Variants in CCDC3 observed in about 807,000 individuals in gnomAD.
The protein encoded by CCDC3 is coiled-coil domain-containing protein 3.
Under a neutral mutation model 21.4 loss-of-function variants are expected in CCDC3, and 24 were observed. The ratio of observed to expected loss-of-function variants is 1.12; its 90% CI spans 0.81 to 1.58. The LOEUF (loss-of-function observed/expected upper bound fraction) is 1.58. CCDC3 is among the 40% of genes most tolerant of loss of function. CCDC3 has a pLI of 0.00. For missense variants in CCDC3, 425 were observed against 360.9 expected (o/e 1.18, Z -1.44); for synonymous variants, 186 against 166.0 (o/e 1.12, Z -0.93).
At chr10:13,043,361 G>A (rs2131419875) in intron 5 of CCDC3, among the ~76,000 whole-genome samples, 1 of 152,288 alleles carries the variant, frequency 6.6e-6, no homozygotes, top group Admixed American at 6.5e-5. Context: ...GGGAGGCTGA[G>A]GTAGGTGGGT....
At position 12,950,361 on chromosome 10, in the gene CCDC3, G is replaced by A. The variant is rs80107802; in HGVS notation, c.549+47977C>T. Among the ~76,000 whole-genome samples, 461 of 152,310 alleles carry A rather than the reference G, an allele frequency of 3.0e-3. 14 individuals are homozygous for A. The East Asian group carries it at 0.057, about 19-fold the overall frequency. ...CACCCTCCGGAAAGCAGTTTTAAGA[G>A]AAAGAGATTCAACCTAAATGGTCAG... On this transcript the variant is annotated intron_variant, in intron 2 of 2. Transcript: ENST00000378825.
intron 2 of CCDC3, chr10:12,924,921 A>G (rs1438553903): frequency 6.6e-6 from 1 of 152,260 alleles, no homozygotes; most frequent in Admixed American, 6.5e-5. Flanking sequence ...GCGAGTAGTT[A>G]GAGAATTTCT....
At chr10:12,901,800 T>C (rs1834096970) in intron 2 of CCDC3, among the ~76,000 whole-genome samples, 1 of 152,218 alleles carries the variant, frequency 6.6e-6, no homozygotes, top group African/African-American at 2.4e-5. Flanking sequence ...TCTCCAGTCT[T>C]AGTGTTCTTC....
chr10:13,047,033 A>T (rs548057351), intron 5 of CCDC3, among the ~76,000 whole-genome samples: 4 of 152,172 alleles, frequency 2.6e-5, no homozygotes, highest in Admixed American at 2.0e-4. Flanking sequence ...CACCCTAGTA[A>T]GATGAGAGAG....
intron 2 of CCDC3, among the ~76,000 whole-genome samples, chr10:12,938,981 T>TAACTCTAGCTCCA (rs1834779790): frequency 6.6e-6 from 1 of 152,206 alleles, no homozygotes; most frequent in African/African-American, 2.4e-5. Flanking sequence ...ACCCCAGATC[T>TAACTCTAGCTCCA]AACTCTAGCT....
In CCDC3 at chr10:12,910,893, C is replaced by T. The variant is rs992575926; in HGVS notation, c.550-12214G>A. Among the ~76,000 whole-genome samples the T allele has an allele frequency of 1.2e-4, 19 of 152,266 alleles. 2 individuals carry two copies. Among genetic ancestry groups the T allele is most frequent in the Admixed American group, 1.0e-3 (16 of 15,290 alleles). On this transcript the variant is annotated intron_variant, in intron 2 of 2. Transcript: ENST00000378825. ...TATGGGTGTGAGCCACAGAGCCCGG[C>T]CAAGGGCAAAATTTATATGTGGAAG... is the stretch of plus-strand genomic sequence containing the variant.
chr10:13,044,687 C>T (rs546542704), intron 5 of CCDC3, among the ~76,000 whole-genome samples: 2 of 152,162 alleles, frequency 1.3e-5, no homozygotes, highest in South Asian at 2.1e-4. Context: ...GTTCTCTATT[C>T]GGTTCCATTG....
At chr10:13,057,217 C>G (rs528842446) in intron 4 of CCDC3, among the ~76,000 whole-genome samples, 5 of 152,026 alleles carry the variant, frequency 3.3e-5, no homozygotes, top group South Asian at 2.1e-4. Context: ...TTGCTTGAAC[C>G]CAGGAGTTGA....
intron 2 of CCDC3, among the ~76,000 whole-genome samples, chr10:12,921,794 T>C (rs939856848): frequency 6.6e-5 from 10 of 152,142 alleles, no homozygotes; most frequent in African/African-American, 2.2e-4. Flanking sequence ...CCAGCTGGAG[T>C]GCAATGGCCC....
intron 5 of CCDC3, among the ~76,000 whole-genome samples, chr10:13,008,846 G>A (rs1241943375): frequency 1.2e-4 from 19 of 152,168 alleles, no homozygotes; most frequent in Non-Finnish European, 2.1e-4. Context: ...TAATGTGAAA[G>A]ACTGAGTGCT....
chr10:13,060,141 G>A (rs1564335891), intron 4 of CCDC3, among the ~76,000 whole-genome samples: 1 of 146,374 alleles, frequency 6.8e-6, no homozygotes, highest in African/African-American at 2.6e-5. Context: ...TGAGCCAGCT[G>A]TTTCATCAGA....
chr10:13,031,131 T>G (rs1345400154), intron 5 of CCDC3, among the ~76,000 whole-genome samples: 1 of 152,060 alleles, frequency 6.6e-6, no homozygotes, highest in East Asian at 1.9e-4. Context: ...AGAACAGAAA[T>G]TATAACAAAC....
intron 2 of CCDC3, among the ~76,000 whole-genome samples, chr10:12,966,653 C>T (rs1835267019): frequency 6.6e-6 from 1 of 152,142 alleles, no homozygotes; most frequent in South Asian, 2.1e-4. Flanking sequence ...CTCCTAAGTC[C>T]ATCTAACCCT....
At chr10:12,947,573 A>G (rs942630634) in intron 2 of CCDC3, among the ~76,000 whole-genome samples, 13 of 152,104 alleles carry the variant, frequency 8.5e-5, no homozygotes, top group Admixed American at 8.5e-4. Flanking sequence ...AGGCCACCCT[A>G]TATGGTGTTT....
At chr10:13,031,939 T>C (rs1479464503) in intron 5 of CCDC3, among the ~76,000 whole-genome samples, 1 of 152,192 alleles carries the variant, frequency 6.6e-6, no homozygotes, top group Non-Finnish European at 1.5e-5. Context: ...CCATTCCTTC[T>C]GAAACTATTC....
rs150878785 is a variant in CCDC3 at position 12,929,326 on chromosome 10, C to T, written c.550-30647G>A. ...CTTCCTCTGAGTTTTATTTTTGTGC[C>T]CTGTCATGTTAGAACCTCTGCCTTG... On this transcript the variant is annotated intron_variant, in intron 2 of 2. Transcript: ENST00000378825. Among the ~76,000 whole-genome samples the T allele has an allele frequency of 5.9e-4, 90 of 151,326 alleles. 1 individual carries two copies. The highest frequency in any genetic ancestry group is 1.7e-3 in the African/African-American group (69 of 41,248).
At chr10:12,987,601 T>C (rs1438553695) in intron 2 of CCDC3, among the ~76,000 whole-genome samples, 5 of 152,244 alleles carry the variant, frequency 3.3e-5, no homozygotes. Flanking sequence ...TGTCTATTCT[T>C]GCATCTATCG....
At chr10:12,986,848 A>G (rs1589031590) in intron 2 of CCDC3, among the ~76,000 whole-genome samples, 1 of 152,248 alleles carries the variant, frequency 6.6e-6, no homozygotes, top group African/African-American at 2.4e-5. Flanking sequence ...AAATGTAACA[A>G]TAATATAGCA....
At chr10:12,957,380 G>A (rs1048695066) in intron 2 of CCDC3, among the ~76,000 whole-genome samples, 8 of 152,186 alleles carry the variant, frequency 5.3e-5, no homozygotes, top group African/African-American at 1.2e-4. Flanking sequence ...ACCGTAACTC[G>A]TGTCTGATTT....
Sources: gnomAD v4.1 joint callset for allele counts (sites outside exome capture counted in the v4.1 genomes callset) on GRCh38, gnomAD v4.1.1 for gene constraint, MANE v1.5 for transcripts, NCBI Gene and HGNC (gene_info 2026-07-23, HGNC 2026-07-21) for gene names.